SRPK2: variants seen among roughly 807,000 people sequenced by gnomAD.
SRPK2 encodes the protein SRSF protein kinase 2, also known as SFRS protein kinase 2.
A neutral mutation model predicts 90.8 loss-of-function variants in SRPK2; 21 were observed. The ratio of observed to expected loss-of-function variants is 0.23; its 90% CI spans 0.16 to 0.33. SRPK2 has a LOEUF of 0.33. Ranked by LOEUF, SRPK2 falls within the 10% of genes least tolerant of loss-of-function variation. The probability of loss-of-function intolerance (pLI) is 1.00; values close to 1 mark genes in which losing one functional copy is unlikely to be tolerated. For synonymous variants in SRPK2, 288 were observed against 311.1 expected (o/e 0.93, Z 0.78); for missense variants, 620 against 869.0 (o/e 0.71, Z 3.60).
At chr7:105,323,967 TTGTGTGTGTG>T (rs58288208) in intron 2 of SRPK2, among the ~76,000 whole-genome samples, 2,150 of 133,864 alleles carry the variant, frequency 0.016, 44 homozygotes, top group African/African-American at 0.048. Flanking sequence ...AGACTATTCT[TTGTGTGTGTG>T]TGTGTGTGTG....
At chr7:105,291,731 G>A (rs1216830812) in intron 2 of SRPK2, among the ~76,000 whole-genome samples, 1 of 151,926 alleles carries the variant, frequency 6.6e-6, no homozygotes, top group Non-Finnish European at 1.5e-5. Context: ...TTTTTTTTCA[G>A]GGGGAGGGGG....
intron 7 of SRPK2, among the ~76,000 whole-genome samples, chr7:105,148,107 A>G (rs1804934422): frequency 6.6e-6 from 1 of 152,158 alleles, no homozygotes; most frequent in Admixed American, 6.5e-5. Flanking sequence ...TGGCTGCACC[A>G]TTTTACATTC....
At chr7:105,370,617 T>C (rs1365489810) in intron 2 of SRPK2, among the ~76,000 whole-genome samples, 1 of 46,472 alleles carries the variant, frequency 2.2e-5, no homozygotes, top group Non-Finnish European at 7.3e-5. Context: ...TTTTTCTTTC[T>C]TTTTTTTTTT....
intron 2 of SRPK2, among the ~76,000 whole-genome samples, chr7:105,279,102 C>T (rs1806916935): frequency 6.6e-6 from 1 of 152,098 alleles, no homozygotes; most frequent in Non-Finnish European, 1.5e-5. Context: ...CAGCTTTCCC[C>T]TGCTGCAATT....
chr7:105,244,723 C>T, intron 2 of SRPK2: 1 of 1,165,982 alleles, frequency 8.6e-7, no homozygotes, highest in Non-Finnish European at 1.3e-6. Flanking sequence ...TGAGCGAGCC[C>T]AGGCACAGCC....
In SRPK2 at chr7:105,302,188, A is replaced by G. The variant is rs572890497; in HGVS notation, c.71+86460T>C. ...TGGTATTGAGGTGGCTTTTTATAAA[A>G]TAATTTTTGTATGTTTCTTACATTA... On this transcript the variant is annotated intron_variant, in intron 2 of 15. Coordinates refer to ENST00000393651, the MANE Select transcript of SRPK2 (RefSeq NM_182692.3). 7.3e-4 allele frequency: 603 copies of G among 830,614 alleles called. 1 individual carries two copies. The highest frequency in any genetic ancestry group is 1.1e-3 in the Non-Finnish European group (515 of 487,490). 51.5% of individuals were successfully genotyped at this position (830,614 alleles called of 1,614,324 possible).
Position 105,339,106 on chromosome 7 carries a change from T to G in SRPK2, c.71+49542A>C, listed in dbSNP as rs180773759. ...TTACAAAGTTTTGAAAGGACAGATA[T>G]TCAAGTACGCGCCTTTGATCCATTC... On this transcript the variant is annotated intron_variant, in intron 2 of 15. Transcript: ENST00000393651. 2.5e-3 allele frequency among the ~76,000 whole-genome samples: 386 copies of G among 152,336 alleles called. 2 individuals carry two copies. Among genetic ancestry groups the G allele is most frequent in the South Asian group, 0.018 (89 of 4,830 alleles).
At chr7:105,286,729 T>C (rs1051399984) in intron 2 of SRPK2, among the ~76,000 whole-genome samples, 1 of 152,236 alleles carries the variant, frequency 6.6e-6, no homozygotes, top group African/African-American at 2.4e-5. Context: ...GCATAATTCA[T>C]TTTACAAACA....
chr7:105,332,773 A>G (rs1245257818), intron 2 of SRPK2: 1 of 152,036 alleles, frequency 6.6e-6, no homozygotes, highest in Non-Finnish European at 1.5e-5. Context: ...TCAAAAAAAA[A>G]AAACAACAAA....
intron 2 of SRPK2, among the ~76,000 whole-genome samples, chr7:105,224,993 GGTTA>G (rs970088142): frequency 2.0e-5 from 3 of 152,100 alleles, no homozygotes; most frequent in African/African-American, 7.2e-5. Flanking sequence ...TCATTAATCA[GGTTA>G]ATAATAGTTA....
chr7:105,302,912 GA>G (rs1173629251), intron 2 of SRPK2, among the ~76,000 whole-genome samples: 266 of 143,926 alleles, frequency 1.8e-3, no homozygotes, highest in African/African-American at 3.8e-3. Context: ...CTTTTCTGAA[GA>G]AAAAAAAAAA....
intron 2 of SRPK2, among the ~76,000 whole-genome samples, chr7:105,205,511 TCTCTCTCACACACACACACACA>T (rs1796086757): frequency 1.5e-5 from 1 of 64,842 alleles, no homozygotes; most frequent in African/African-American, 7.7e-5. Context: ...TCTCTCTCTC[TCTCTCTCACACACACACACACA>T]CACACACACA....
At chr7:105,353,745 G>A (rs551970381) in intron 2 of SRPK2, among the ~76,000 whole-genome samples, 14 of 152,262 alleles carry the variant, frequency 9.2e-5, no homozygotes, top group African/African-American at 3.1e-4. Flanking sequence ...TCCCACTCCT[G>A]AGCTGATAGG....
At chr7:105,337,614 C>T (rs1585772292) in intron 2 of SRPK2, among the ~76,000 whole-genome samples, 1 of 152,052 alleles carries the variant, frequency 6.6e-6, no homozygotes, top group African/African-American at 2.4e-5. Context: ...CACCACTGGC[C>T]TCATGATAGG....
At chr7:105,318,775 C>A (rs1338390626) in intron 2 of SRPK2, among the ~76,000 whole-genome samples, 1 of 152,202 alleles carries the variant, frequency 6.6e-6, no homozygotes, top group African/African-American at 2.4e-5. Flanking sequence ...TTGCACACTG[C>A]AGAATTCATG....
intron 7 of SRPK2, among the ~76,000 whole-genome samples, chr7:105,150,050 C>CAA (rs3216266): frequency 7.3e-6 from 1 of 137,650 alleles, no homozygotes; most frequent in Non-Finnish European, 1.6e-5. Flanking sequence ...GGTAATTGGC[C>CAA]AAAAAAAAAA....
At position 105,118,894 on chromosome 7, in the gene SRPK2, G is replaced by C. The variant is rs184301422; in HGVS notation, c.1916-872C>G. Among the ~76,000 whole-genome samples the C allele has an allele frequency of 2.6e-5, 4 of 152,302 alleles. No homozygotes were observed. The East Asian group carries it at 7.7e-4, about 29-fold the overall frequency. ...CCACTGCACTCCATCCTGGGACAGA[G>C]CAAGCGAAACCCTGTCTCCCCATAA... is the stretch of plus-strand genomic sequence containing the variant. On this transcript the variant is annotated intron_variant, in intron 15 of 15. Transcript: ENST00000393651.
rs139927919 is a variant in SRPK2 at position 105,384,149 on chromosome 7, A to G, written c.71+4499T>C. Among the ~76,000 whole-genome samples the G allele has an allele frequency of 1.9e-3, 285 of 152,306 alleles. 1 individual carries two copies. The highest frequency in any genetic ancestry group is 6.6e-3 in the African/African-American group (275 of 41,576). Reference sequence around the variant, plus strand: ...ATAAAAGTTATGAAAAAAATAAATGAAAGAGATATTTTAAAAATTGTACCT... The same window carrying G: ...ATAAAAGTTATGAAAAAAATAAATGGAAGAGATATTTTAAAAATTGTACCT... On this transcript the variant is annotated intron_variant, in intron 2 of 15. Coordinates refer to ENST00000393651, the MANE Select transcript of SRPK2 (RefSeq NM_182692.3).
chr7:105,359,144 C>A (rs1325346050), intron 2 of SRPK2, among the ~76,000 whole-genome samples: 3 of 134,030 alleles, frequency 2.2e-5, no homozygotes, highest in Admixed American at 8.4e-5. Context: ...CATATCCAAA[C>A]CACAGCTTTT....
Sources: allele counts gnomAD v4.1 joint callset (sites outside exome capture counted in the v4.1 genomes callset), GRCh38; gene constraint gnomAD v4.1.1; transcripts MANE v1.5; gene names NCBI Gene and HGNC (gene_info 2026-07-23, HGNC 2026-07-21).